The following COL15A1 variants were observed in gnomAD, a reference collection of about 807,000 sequenced individuals.
COL15A1 encodes collagen alpha-1(XV) chain.
COL15A1 carries 111 observed loss-of-function variants against 165.9 expected under a neutral mutation model. The ratio of observed to expected loss-of-function variants is 0.67; its 90% CI spans 0.57 to 0.78. The LOEUF is 0.78. COL15A1 is among the 30% of genes least tolerant of loss of function. The pLI is 0.00. For missense variants in COL15A1, 1,745 were observed against 1,789.7 expected, an observed-to-expected ratio of 0.98 and a Z score of 0.45; for synonymous variants, 659 against 674.8, an observed-to-expected ratio of 0.98 and a Z score of 0.36.
At chr9:99,004,854 G>A (rs1294658281) in intron 8 of COL15A1, 44 bp from the exon 9 acceptor site, 1 of 1,612,570 alleles carries the variant, frequency 6.2e-7, no homozygotes, top group East Asian at 2.2e-5. Flanking sequence ...TGGTGGATCA[G>A]CATCATGGGG....
At chr9:98,999,996 A>C (rs573523707) in intron 6 of COL15A1, among the ~76,000 whole-genome samples, 10 of 151,772 alleles carry the variant, frequency 6.6e-5, no homozygotes, top group African/African-American at 2.4e-4. Context: ...TTGGCCTCCC[A>C]AGTAGCTGGG....
intron 12 of COL15A1, among the ~76,000 whole-genome samples, 190 bp downstream of exon 12, chr9:99,020,632 C>G (rs1286949521): frequency 1.3e-5 from 2 of 152,214 alleles, no homozygotes; most frequent in East Asian, 3.8e-4. Flanking sequence ...CTGACTGAGT[C>G]TCTTCTCACC....
intron 3 of COL15A1, chr9:98,986,380 T>C (rs1838313710): frequency 2.5e-6 from 1 of 403,600 alleles, no homozygotes; most frequent in South Asian, 3.5e-5. Context: ...TAAGAAAACC[T>C]ACCCCACAGT....
At chr9:98,982,018 C>G (rs1401208335) in intron 2 of COL15A1, among the ~76,000 whole-genome samples, 1 of 151,990 alleles carries the variant, frequency 6.6e-6, no homozygotes, top group East Asian at 1.9e-4. Context: ...CCAGGCTGGT[C>G]TCAAACTCCT....
At chr9:98,984,950 C>A (rs1412299795) in intron 2 of COL15A1, among the ~76,000 whole-genome samples, 3 of 152,280 alleles carry the variant, frequency 2.0e-5, no homozygotes, top group Non-Finnish European at 4.4e-5. Flanking sequence ...TGCCAGCATG[C>A]CTGGATAATT....
chr9:98,990,918 G>A (rs1383513839), intron 5 of COL15A1, among the ~76,000 whole-genome samples: 1 of 152,082 alleles, frequency 6.6e-6, no homozygotes, highest in Non-Finnish European at 1.5e-5. Flanking sequence ...TGTTCCTTCT[G>A]ATATTTGGAT....
chr9:99,005,285 C>T (rs1364549364), intron 9 of COL15A1, among the ~76,000 whole-genome samples: 1 of 152,078 alleles, frequency 6.6e-6, no homozygotes, highest in Non-Finnish European at 1.5e-5. Context: ...TGGGGTTTGT[C>T]CCAAGGCTGC....
intron 2 of COL15A1, among the ~76,000 whole-genome samples, chr9:98,981,659 G>A (rs997142496): frequency 1.3e-5 from 2 of 152,152 alleles, no homozygotes; most frequent in African/African-American, 4.8e-5. Context: ...CAAATGCGTG[G>A]GAGTGATAAA....
At chr9:98,982,476 A>G (rs1838248329) in intron 2 of COL15A1, among the ~76,000 whole-genome samples, 1 of 152,186 alleles carries the variant, frequency 6.6e-6, no homozygotes, top group Non-Finnish European at 1.5e-5. Context: ...TGGTTATCAA[A>G]TCAGACAGGG....
intron 9 of COL15A1, among the ~76,000 whole-genome samples, chr9:99,011,345 T>C (rs1198382425): frequency 6.7e-6 from 1 of 148,166 alleles, no homozygotes; most frequent in Non-Finnish European, 1.5e-5. Context: ...CTTCTTATGA[T>C]GTAAACAGAC....
intron 2 of COL15A1, among the ~76,000 whole-genome samples, chr9:98,958,194 T>A (rs946386870): frequency 6.6e-6 from 1 of 152,258 alleles, no homozygotes; most frequent in East Asian, 1.9e-4. Flanking sequence ...ACTGTACCTC[T>A]CTGGGCCTCA....
chr9:98,961,792 A>G (rs1370547317), intron 2 of COL15A1, among the ~76,000 whole-genome samples: 7 of 152,234 alleles, frequency 4.6e-5, no homozygotes, highest in Non-Finnish European at 8.8e-5. Flanking sequence ...GCCTCTGCTT[A>G]TCAGACAGTG....
intron 6 of COL15A1, among the ~76,000 whole-genome samples, chr9:99,000,332 A>G (rs188984299): frequency 2.6e-5 from 4 of 152,164 alleles, no homozygotes; most frequent in African/African-American, 7.2e-5. Flanking sequence ...ATACATATAC[A>G]TATACATATA....
intron 3 of COL15A1, chr9:98,986,449 A>G (rs1838315209): frequency 9.2e-6 from 2 of 218,216 alleles, no homozygotes; most frequent in African/African-American, 2.3e-5. Flanking sequence ...AAGATTTTAT[A>G]TAAAAGAGCA....
intron 11 of COL15A1, 56 bp from the exon 12 acceptor site, chr9:99,020,333 A>C: frequency 7.8e-7 from 1 of 1,276,566 alleles, no homozygotes; most frequent in Non-Finnish European, 1.1e-6. Context: ...GGAACTCAGC[A>C]GCCCCATGTC....
intron 7 of COL15A1, among the ~76,000 whole-genome samples, chr9:99,001,442 G>A (rs965595826): frequency 3.3e-5 from 5 of 152,122 alleles, no homozygotes; most frequent in Admixed American, 6.5e-5. Flanking sequence ...AACCCACAAC[G>A]CCAGCTCATT....
intron 2 of COL15A1, among the ~76,000 whole-genome samples, chr9:98,968,804 C>T (rs113401474): frequency 2.1e-3 from 323 of 150,808 alleles, no homozygotes; most frequent in African/African-American, 7.3e-3. Flanking sequence ...TGCCTGGGGG[C>T]GGGGGCGGGG....
intron 11 of COL15A1, among the ~76,000 whole-genome samples, chr9:99,016,333 C>A (rs1169969631): frequency 6.6e-6 from 1 of 152,174 alleles, no homozygotes; most frequent in African/African-American, 2.4e-5. Context: ...GTCAAGGGGA[C>A]CTAGCTTTGT....
chr9:99,044,883 G>C, intron 26 of COL15A1, 113 bp downstream of exon 26: 2 of 1,027,228 alleles, frequency 1.9e-6, no homozygotes, highest in South Asian at 1.3e-5. Flanking sequence ...ATGTGGCAAA[G>C]ATGTGCAAAA....
Sources: gnomAD v4.1 joint callset for allele counts (sites outside exome capture counted in the v4.1 genomes callset) on GRCh38, gnomAD v4.1.1 for gene constraint, MANE v1.5 for transcripts, NCBI Gene and HGNC (gene_info 2026-07-23, HGNC 2026-07-21) for gene names.